ADGRB3: variants seen among roughly 807,000 people sequenced by gnomAD.
ADGRB3 encodes the protein brain-specific angiogenesis inhibitor 3.
ADGRB3 carries 37 observed loss-of-function variants against 193.4 expected under a neutral mutation model. That is an observed-to-expected ratio of 0.19 (90% CI 0.15 to 0.25). The LOEUF (loss-of-function observed/expected upper bound fraction) is 0.25. Ranked by LOEUF, ADGRB3 falls within the 10% of genes least tolerant of loss-of-function variation. The probability of loss-of-function intolerance (pLI) is 1.00; values close to 1 mark genes in which losing one functional copy is unlikely to be tolerated. For missense variants in ADGRB3, 1,637 were observed against 1,852.9 expected (o/e 0.88, Z 2.14); for synonymous variants, 690 against 644.2 (o/e 1.07, Z -1.08).
chr6:69,128,805 C>G (rs1192689036), intron 17 of ADGRB3, among the ~76,000 whole-genome samples: 1 of 152,144 alleles, frequency 6.6e-6, no homozygotes, highest in Non-Finnish European at 1.5e-5. Flanking sequence ...TTCACATTAA[C>G]TATAATTCCC....
intron 20 of ADGRB3, among the ~76,000 whole-genome samples, chr6:69,262,603 A>G (rs953365189): frequency 6.6e-6 from 1 of 152,002 alleles, no homozygotes; most frequent in Non-Finnish European, 1.5e-5. Flanking sequence ...CAAGCATGAT[A>G]CAATAATTCC....
intron 23 of ADGRB3, chr6:69,331,633 T>A: frequency 1.0e-6 from 1 of 985,392 alleles, no homozygotes; most frequent in Non-Finnish European, 1.2e-6. Context: ...CAAAGGGAAA[T>A]CAAAACTATT....
intron 31 of ADGRB3, among the ~76,000 whole-genome samples, chr6:69,385,447 C>T (rs982221901): frequency 2.0e-5 from 3 of 151,994 alleles, no homozygotes; most frequent in African/African-American, 4.8e-5. Context: ...ATGGGAAATG[C>T]TCAGGCAGCC....
intron 11 of ADGRB3, among the ~76,000 whole-genome samples, chr6:68,997,444 A>G (rs1045811955): frequency 1.4e-4 from 20 of 145,812 alleles, no homozygotes; most frequent in Admixed American, 5.6e-4. Flanking sequence ...GGAGTTTGAG[A>G]CCAGCCTGGA....
At position 69,318,095 on chromosome 6, in the gene ADGRB3, G is replaced by C. The variant is rs757414106; in HGVS notation, c.2815-6777G>C. Among the ~76,000 whole-genome samples the C allele has an allele frequency of 2.0e-5, 3 of 150,970 alleles. No homozygotes were observed. The East Asian group carries it at 5.9e-4, about 29-fold the overall frequency. On this transcript the variant is annotated intron_variant, in intron 20 of 31. Transcript: ENST00000370598. ...TTTTGTCTTTTCTTGTATTGTTTTC[G>C]TGAGAAACTCTTGTACAACTTAGAA...
At chr6:68,679,125 A>C (rs1232452682) in intron 3 of ADGRB3, among the ~76,000 whole-genome samples, 1 of 152,194 alleles carries the variant, frequency 6.6e-6, no homozygotes, top group African/African-American at 2.4e-5. Flanking sequence ...ATTTGCATAA[A>C]ATTCAATATT....
chr6:69,254,803 C>A (rs1766715713), intron 20 of ADGRB3, among the ~76,000 whole-genome samples: 1 of 150,730 alleles, frequency 6.6e-6, no homozygotes, highest in Non-Finnish European at 1.5e-5. Flanking sequence ...GTGTGCTGCA[C>A]CCACTAACTC....
intron 3 of ADGRB3, among the ~76,000 whole-genome samples, chr6:68,711,974 T>A (rs1156870623): frequency 6.6e-6 from 1 of 151,972 alleles, no homozygotes; most frequent in Non-Finnish European, 1.5e-5. Flanking sequence ...AAGGCATAGG[T>A]TTAATGGGAA....
At chr6:69,068,279 T>G (rs184621653) in intron 16 of ADGRB3, among the ~76,000 whole-genome samples, 4 of 152,326 alleles carry the variant, frequency 2.6e-5, no homozygotes, top group African/African-American at 9.6e-5. Context: ...GTTACATGTC[T>G]CTGCTATAAC....
intron 3 of ADGRB3, among the ~76,000 whole-genome samples, chr6:68,850,424 C>G (rs763499636): frequency 1.3e-5 from 2 of 151,848 alleles, no homozygotes; most frequent in Non-Finnish European, 2.9e-5. Context: ...TGTTTTATCA[C>G]CTCTTGCATT....
At chr6:69,272,351 G>T (rs1028649622) in intron 20 of ADGRB3, among the ~76,000 whole-genome samples, 12 of 152,190 alleles carry the variant, frequency 7.9e-5, no homozygotes, top group African/African-American at 2.7e-4. Flanking sequence ...CGTGGTTATT[G>T]TCCAGCTCAA....
rs141643835 is a variant in ADGRB3, at chr6:68,881,740, A to G, written c.758-48819A>G. On this transcript the variant is annotated intron_variant, in intron 3 of 31. Coordinates refer to ENST00000370598, the MANE Select transcript of ADGRB3 (RefSeq NM_001704.3). ...TTTTGGAAGGTAGCTCTGTCTTTCA[A>G]TGGCTAGCTTTTAATCAGCTTTTTG... Among the ~76,000 whole-genome samples the G allele has an allele frequency of 3.3e-3, 496 of 152,318 alleles. 1 individual carries two copies. The highest frequency in any genetic ancestry group is 0.012 in the African/African-American group (487 of 41,586).
chr6:69,126,560 A>AAG (rs1261436475), intron 17 of ADGRB3, among the ~76,000 whole-genome samples: 1 of 152,086 alleles, frequency 6.6e-6, no homozygotes, highest in African/African-American at 2.4e-5. Context: ...CCATCTTTAG[A>AAG]AGAGAGAGAG....
At chr6:68,680,606 ACCC>A (rs1220903047) in intron 3 of ADGRB3, among the ~76,000 whole-genome samples, 3 of 152,222 alleles carry the variant, frequency 2.0e-5, no homozygotes, top group East Asian at 3.9e-4. Flanking sequence ...AACTAGAACA[ACCC>A]AACAGGATAG....
At chr6:69,151,432 A>G (rs77103497) in intron 17 of ADGRB3, among the ~76,000 whole-genome samples, 2,167 of 152,278 alleles carry the variant, frequency 0.014, 89 homozygotes, top group East Asian at 0.1. Context: ...ATCCCCAAGC[A>G]TACAGATTCT....
intron 20 of ADGRB3, among the ~76,000 whole-genome samples, chr6:69,318,175 C>G (rs1319018058): frequency 6.6e-6 from 1 of 151,042 alleles, no homozygotes; most frequent in African/African-American, 2.4e-5. Flanking sequence ...GGACATTAAT[C>G]TAGTATTTTA....
intron 17 of ADGRB3, among the ~76,000 whole-genome samples, chr6:69,207,604 G>A (rs1346438825): frequency 6.6e-6 from 1 of 152,198 alleles, no homozygotes; most frequent in African/African-American, 2.4e-5. Flanking sequence ...TGCTGATTCA[G>A]AGCATACATG....
intron 3 of ADGRB3, among the ~76,000 whole-genome samples, chr6:68,692,681 C>T (rs927327151): frequency 6.6e-6 from 1 of 151,718 alleles, no homozygotes; most frequent in East Asian, 1.9e-4. Flanking sequence ...TTTAAAATAT[C>T]CCTAAGGCTT....
At chr6:69,372,736 G>A (rs1264686409) in intron 30 of ADGRB3, among the ~76,000 whole-genome samples, 1 of 152,020 alleles carries the variant, frequency 6.6e-6, no homozygotes, top group African/African-American at 2.4e-5. Flanking sequence ...GATTCAGTTT[G>A]TAGGGAGGGG....
Sources: gnomAD v4.1 joint callset for allele counts (sites outside exome capture counted in the v4.1 genomes callset) on GRCh38, gnomAD v4.1.1 for gene constraint, MANE v1.5 for transcripts, NCBI Gene and HGNC (gene_info 2026-07-23, HGNC 2026-07-21) for gene names.